Variants in MUC5B observed in about 807,000 individuals in gnomAD.
MUC5B encodes mucin 5B, oligomeric mucus/gel-forming.
Under a neutral mutation model 376.9 loss-of-function variants are expected in MUC5B, and 116 were observed. The observed-to-expected ratio is 0.31, with a 90% CI of 0.26 to 0.36. The LOEUF is 0.36. MUC5B is among the 10% of genes least tolerant of loss of function. The probability of loss-of-function intolerance (pLI) is 1.00; values close to 1 mark genes in which losing one functional copy is unlikely to be tolerated. For missense variants in MUC5B, 7,165 were observed against 7,769.9 expected (o/e 0.92, Z 2.93); for synonymous variants, 3,517 against 3,390.9 (o/e 1.04, Z -1.29).
rs200675933 is a variant in MUC5B at position 1,244,762 on chromosome 11, C to T, written c.7882C>T (p.Arg2628Cys). Reference protein sequence around the residue: ...ATPSSSPGTARTLPVWISTTT... With the variant: ...ATPSSSPGTACTLPVWISTTT... ...CCCCTCCTCCAGCCCAGGGACGGCA[C>T]GCACGCTTCCAGTGTGGATCAGCAC... Residue 2628 changes from arginine (R) to cysteine (C), a missense_variant, in exon 31 of 49, where the codon CGC becomes TGC. By Grantham distance (180) the Arg-to-Cys change is radical. Transcript: ENST00000529681. The T allele has an allele frequency of 3.1e-3, 5,005 of 1,598,998 alleles. 21 individuals are homozygous for T. The highest frequency in any genetic ancestry group is 3.5e-3 in the Non-Finnish European group (4,075 of 1,169,864).
Position 1,232,300 on chromosome 11 carries a change from G to A in MUC5B, c.1843+140G>A, listed in dbSNP as rs561541647. 1.2e-4 allele frequency: 166 copies of A among 1,342,244 alleles called. No individual in the cohort carries two copies. In the African/African-American group the frequency reaches 2.2e-3, roughly 18 times the overall value. The allele number at this position is 1,342,244 out of a possible 1,614,324, so 83.1% of individuals were successfully genotyped here. A position where few individuals can be genotyped will look rare whatever the true frequency, so the allele number is the denominator to read the frequency against. ...TGGGAGGCATCAGGAGGAGGTGCTT[G>A]GGGCCAGGCGGCCAGAACCCCCCAA... On this transcript the variant is annotated intron_variant, in intron 15 of 48. Transcript: ENST00000529681.
intron 7 of MUC5B, 49 bp from the exon 8 acceptor site, chr11:1,228,515 G>A (rs1254718644): frequency 1.4e-5 from 20 of 1,455,108 alleles, no homozygotes; most frequent in Non-Finnish European, 1.8e-5. Flanking sequence ...CACCGTGGCA[G>A]CCCCCATGGA....
chr11:1,255,577 G>A lies in MUC5B; in HGVS notation c.16066+19G>A, dbSNP rs894330482. Reference sequence around the variant, plus strand: ...CTGTGCGGTGAGTGGGGGCGGCCCCGGGCCCCCCAGACCCCTCGGCCTCTC... The same window carrying A: ...CTGTGCGGTGAGTGGGGGCGGCCCCAGGCCCCCCAGACCCCTCGGCCTCTC... On this transcript the variant is annotated intron_variant, in intron 37 of 48. Transcript: ENST00000529681. 71 of 1,491,542 alleles carry A rather than the reference G, an allele frequency of 4.8e-5. No individual in the cohort carries two copies. The highest frequency in any genetic ancestry group is 2.4e-4 in the South Asian group (19 of 79,016). The allele number at this position is 1,491,542 out of a possible 1,614,324, so 92.4% of individuals were successfully genotyped here.
chr11:1,242,567 C>A lies in MUC5B; in HGVS notation c.5687C>A (p.Thr1896Lys). Residue 1896 changes from threonine to lysine, a missense_variant, in exon 31 of 49, where the codon ACG becomes AAG. Thr to Lys is a moderately conservative substitution (Grantham distance 78, BLOSUM62 -1). Around this residue, in one of 31 missense-constraint regions of MUC5B, gnomAD observed 897 missense variants for 779.6 expected, o/e 1.15. Coordinates refer to ENST00000529681, the MANE Select transcript of MUC5B (RefSeq NM_002458.3). ...PSTPATSSTA[T>K]PSSTPGTTWI... ...ACCCCAGCCACCAGCTCCACGGCCA[C>A]GCCCTCCTCAACTCCGGGGACGACC... The A allele has an allele frequency of 6.2e-7, 1 of 1,613,808 alleles. No individual in the cohort carries two copies. The highest frequency in any genetic ancestry group is 1.6e-4 in the Middle Eastern group (1 of 6,062).
At position 1,240,025 on chromosome 11, in the gene MUC5B, C is replaced by A. The variant is rs200179400; in HGVS notation, c.3729-20C>A. On this transcript the variant is annotated intron_variant, in intron 28 of 48. Coordinates refer to ENST00000529681, the MANE Select transcript of MUC5B (RefSeq NM_002458.3). Reference sequence around the variant, plus strand: ...CAGGCTGCCCCCCAGGCCCTCAGCTCGCCTCTCCCCCACCCCTAGTAACTG... The same window carrying A: ...CAGGCTGCCCCCCAGGCCCTCAGCTAGCCTCTCCCCCACCCCTAGTAACTG... 12 of 1,587,428 alleles carry A rather than the reference C, an allele frequency of 7.6e-6. No individual in the cohort carries two copies. The highest frequency in any genetic ancestry group is 1.0e-5 in the Non-Finnish European group (12 of 1,166,422).
chr11:1,257,094 A>G lies in MUC5B; in HGVS notation c.16238-146A>G. 1.5e-6 allele frequency: 1 copy of G among 675,608 alleles called. No homozygotes were observed. The highest frequency in any genetic ancestry group is 2.8e-6 in the Non-Finnish European group (1 of 363,478). 41.9% of individuals were successfully genotyped at this position (675,608 alleles called of 1,614,324 possible). A position where few individuals can be genotyped will look rare whatever the true frequency, so the allele number is the denominator to read the frequency against. ...CTCACGGTGCCCTGGCCTGAGCTCC[A>G]GCCACATCTGACACCCCAAAAGTTC... On this transcript the variant is annotated intron_variant, in intron 39 of 48. Transcript: ENST00000529681. The surrounding 1 kb of genome is among the most constrained non-coding windows in gnomAD (Gnocchi z 8.9).
chr11:1,259,605 A>G (rs906256569), intron 44 of MUC5B, 151 bp from the exon 45 acceptor site: 6 of 702,390 alleles, frequency 8.5e-6, no homozygotes, highest in Admixed American at 7.7e-5. Flanking sequence ...AGCCGGGATA[A>G]CTGAGTGGGG....
Position 1,244,153 on chromosome 11 carries a change from A to T in MUC5B, c.7273A>T (p.Met2425Leu). Residue 2425 changes from methionine to leucine, a missense_variant, in exon 31 of 49, where the codon ATG (methionine) becomes TTG (leucine). Met to Leu is a conservative substitution (Grantham distance 15). Around this residue, in one of 31 missense-constraint regions of MUC5B, gnomAD observed 194 missense variants for 268.5 expected, o/e 0.72. Coordinates refer to ENST00000529681, the MANE Select transcript of MUC5B (RefSeq NM_002458.3). ...CACCCCGGCCACCAGCTCTACGGCC[A>T]TGCCCTCCTCCACTCCGGGGACGAC... ...PSTPATSSTAMPSSTPGTTWI... is the reference protein window; with the variant it reads ...PSTPATSSTALPSSTPGTTWI... 2 of 1,613,346 alleles carry T rather than the reference A, an allele frequency of 1.2e-6. No individual in the cohort carries two copies. The highest frequency in any genetic ancestry group is 1.7e-5 in the Admixed American group (1 of 59,994).
Position 1,243,591 on chromosome 11 carries a change from C to T in MUC5B, c.6711C>T (p.Thr2237=). ...AGCCTTCCACGGTGACTTCCCACAC[C>T]CTAGCAGCAACCACCGGTACCACCC... The part of the protein sequence containing the change: ...ITEPSTVTSH[T]LAATTGTTQH... Residue 2237 remains threonine (T), a synonymous_variant, in exon 31 of 49, where the codon ACC becomes ACT. Transcript: ENST00000529681. The T allele has an allele frequency of 1.2e-6, 2 of 1,608,794 alleles. No individual in the cohort carries two copies. Among genetic ancestry groups the T allele is most frequent in the East Asian group, 2.2e-5 (1 of 44,662 alleles).
chr11:1,235,636 TG>T (rs1229985398), intron 23 of MUC5B, among the ~76,000 whole-genome samples: 1 of 152,170 alleles, frequency 6.6e-6, no homozygotes. Flanking sequence ...CCACACTCCC[TG>T]TCGAGGGTCT....
rs768771994 is a variant in MUC5B at position 1,246,477 on chromosome 11, G to C, written c.9597G>C (p.Thr3199=). 8.7e-6 allele frequency: 14 copies of C among 1,612,884 alleles called. No individual in the cohort carries two copies. The highest frequency in any genetic ancestry group is 1.1e-5 in the Non-Finnish European group (13 of 1,179,544). The change falls in exon 31 of 49, where the codon ACG becomes ACC. Residue 3199 remains threonine (T), a synonymous_variant. Coordinates refer to ENST00000529681, the MANE Select transcript of MUC5B (RefSeq NM_002458.3). ...TAGTLKVLTS[T]ATTPTVISSR... ...GCACCCTCAAAGTGCTGACCAGCAC[G>C]GCCACCACACCCACAGTCATCAGCT...
chr11:1,241,755 G>A lies in MUC5B; in HGVS notation c.4875G>A (p.Gln1625=). 1.2e-6 allele frequency: 2 copies of A among 1,612,258 alleles called. No homozygotes were observed. The highest frequency in any genetic ancestry group is 1.7e-5 in the Admixed American group (1 of 59,882). The change falls in exon 31 of 49, where the codon CAG becomes CAA. Residue 1625 remains glutamine (Q), a synonymous_variant. Coordinates refer to ENST00000529681, the MANE Select transcript of MUC5B (RefSeq NM_002458.3). ...ELETATTTTT[Q]ALFSTPQPTS... ...AGACGGCCACCACCACCACCACCCA[G>A]GCCCTGTTCTCAACGCCGCAGCCTA...
Position 1,246,942 on chromosome 11 carries a change from G to A in MUC5B, c.10062G>A (p.Gly3354=). 2 of 1,607,068 alleles carry A rather than the reference G, an allele frequency of 1.2e-6. No individual in the cohort carries two copies. The highest frequency in any genetic ancestry group is 2.2e-5 in the East Asian group (1 of 44,664). ...CGGTGACCCCCTCCTCCATCCCGGGGACCACCCACACCGCCACAGTGCTGA... is the reference window on the plus strand; with the variant it reads ...CGGTGACCCCCTCCTCCATCCCGGGAACCACCCACACCGCCACAGTGCTGA... ...GSTVTPSSIP[G]TTHTATVLTT... is the part of the protein sequence containing the mutation. The change falls in exon 31 of 49, where the codon GGG becomes GGA. Residue 3354 remains glycine, a synonymous_variant. Coordinates refer to ENST00000529681, the MANE Select transcript of MUC5B (RefSeq NM_002458.3).
In MUC5B at chr11:1,258,640, C is replaced by T. The variant is rs951725855; in HGVS notation, c.16593+273C>T. ...GCAGCACACACTGGCCTGGGGTCCC[C>T]GCCTGCCCGCCCAGATTCCTACCCG... On this transcript the variant is annotated intron_variant, in intron 43 of 48. Transcript: ENST00000529681. This position sits in a 1 kb window ranked among gnomAD's most constrained non-coding sequence, Gnocchi z 5.5. 7.2e-5 allele frequency among the ~76,000 whole-genome samples: 11 copies of T among 152,196 alleles called. No homozygotes were observed. Among genetic ancestry groups the T allele is most frequent in the East Asian group, 5.8e-4 (3 of 5,182 alleles).
At position 1,253,096 on chromosome 11, in the gene MUC5B, T is replaced by A. The variant is rs1411146861; in HGVS notation, c.15217+116T>A. The A allele has an allele frequency of 6.2e-6, 2 of 322,760 alleles. No homozygotes were observed. Among genetic ancestry groups the A allele is most frequent in the Non-Finnish European group, 8.4e-6 (2 of 236,844 alleles). The allele number at this position is 322,760 out of a possible 1,614,324, so 20.0% of individuals were successfully genotyped here. A position where few individuals can be genotyped will look rare whatever the true frequency, so the allele number is the denominator to read the frequency against. On this transcript the variant is annotated intron_variant, in intron 33 of 48. Coordinates refer to ENST00000529681, the MANE Select transcript of MUC5B (RefSeq NM_002458.3). The surrounding 1 kb of genome is among the most constrained non-coding windows in gnomAD (Gnocchi z 4.3). ...CACAGTGGGGTGCAGTGGGGAATGG[T>A]GGGGCATGGTGGGGCATGGTGGGGT...
At position 1,227,071 on chromosome 11, in the gene MUC5B, C is replaced by G. The variant is rs1368770828; in HGVS notation, c.502C>G (p.Gln168Glu). The G allele has an allele frequency of 6.2e-7, 1 of 1,612,190 alleles. No homozygotes were observed. Among genetic ancestry groups the G allele is most frequent in the Admixed American group, 1.7e-5 (1 of 59,998 alleles). Residue 168 changes from glutamine (Q) to glutamate (E), a missense_variant, in exon 5 of 49, where the codon CAG becomes GAG. Gln to Glu is a conservative substitution (Grantham distance 29). This residue lies in a region of MUC5B where 640 missense variants were observed against 733.0 expected (regional missense o/e 0.87). Coordinates refer to ENST00000529681, the MANE Select transcript of MUC5B (RefSeq NM_002458.3). ...CAGCCGCACTGGCCTCCTGGTGGAG[C>G]AGAGCGGGGACTACATCAAGGTCAG... ...PYSRTGLLVE[Q>E]SGDYIKVSIR...
rs367833762 is a variant in MUC5B, at chr11:1,251,325, G to A, written c.14445G>A (p.Thr4815=). 2.4e-4 allele frequency: 383 copies of A among 1,603,212 alleles called. 8 individuals carry two copies. The highest frequency in any genetic ancestry group is 1.5e-3 in the Middle Eastern group (9 of 6,074). The change falls in exon 31 of 49, where the codon ACG becomes ACA. Residue 4815 remains threonine (T), a synonymous_variant. Coordinates refer to ENST00000529681, the MANE Select transcript of MUC5B (RefSeq NM_002458.3). ...CCACACCCTCCTCCACTCTGGGGAC[G>A]ACCCGGATCCTCACTGAGCTGACCA... The part of the protein sequence containing the change: ...STATPSSTLG[T]TRILTELTTT...
At position 1,261,949 on chromosome 11, in the gene MUC5B, G is replaced by A. The variant is rs569994975; in HGVS notation, c.*341G>A. On this transcript the variant is annotated 3_prime_UTR_variant, in exon 49 of 49. Transcript: ENST00000529681. ...CACGGCCGGAGCGCCCGCGCAGCAC[G>A]GATTCCAGCTGGCCACGTCCGGCCG... is the stretch of plus-strand genomic sequence containing the variant. The A allele has an allele frequency of 2.3e-4, 121 of 529,388 alleles. No individual in the cohort carries two copies. Among genetic ancestry groups the A allele is most frequent in the African/African-American group, 2.0e-3 (107 of 53,124 alleles). 32.8% of individuals were successfully genotyped at this position (529,388 alleles called of 1,614,324 possible). A position where few individuals can be genotyped will look rare whatever the true frequency, so the allele number is the denominator to read the frequency against.
chr11:1,240,725 TG>T, intron 30 of MUC5B, 125 bp from the exon 31 acceptor site: 2 of 923,092 alleles, frequency 2.2e-6, no homozygotes, highest in African/African-American at 1.7e-5. Flanking sequence ...AGGCAGGCAC[TG>T]GGGTCCCCAG....
Sources: gnomAD v4.1 joint callset for allele counts (sites outside exome capture counted in the v4.1 genomes callset) on GRCh38, gnomAD v4.1.1 for gene constraint, gnomAD v4.1.1 regional missense constraint, Gnocchi (gnomAD v3.1) non-coding constraint, MANE v1.5 for transcripts, NCBI Gene and HGNC (gene_info 2026-07-23, HGNC 2026-07-21) for gene names.